Variants in RPL28 observed in about 807,000 individuals in gnomAD.
RPL28 encodes ribosomal protein L28, also known as large ribosomal subunit protein eL28.
A neutral mutation model predicts 12.5 loss-of-function variants in RPL28; 4 were observed. The observed-to-expected ratio is 0.32, with a 90% CI of 0.16 to 0.73. The LOEUF (loss-of-function observed/expected upper bound fraction) is 0.73. RPL28 is among the 30% of genes least tolerant of loss of function. The probability of loss-of-function intolerance (pLI) is 0.66; values close to 1 mark genes in which losing one functional copy is unlikely to be tolerated. For missense variants in RPL28, 214 were observed against 197.7 expected (o/e 1.08, Z -0.49); for synonymous variants, 91 against 72.5 (o/e 1.26, Z -1.30).
At chr19:55,401,163 G>A (rs1600316988) in intron 4 of RPL28, 1 of 516,790 alleles carries the variant, frequency 1.9e-6, no homozygotes, top group Non-Finnish European at 3.4e-6. Context: ...TGAGCTAGAT[G>A]GACCCACTGC....
At chr19:55,397,637 C>T (rs979240522) in intron 4 of RPL28, among the ~76,000 whole-genome samples, 4 of 152,070 alleles carry the variant, frequency 2.6e-5, no homozygotes, top group African/African-American at 9.7e-5. Flanking sequence ...GCCTCGACCT[C>T]CCAAAGTGCT....
Position 55,390,037 on chromosome 19 carries a change from T to G in RPL28, c.*1705T>G. 2.0e-6 allele frequency: 2 copies of G among 985,518 alleles called. No individual in the cohort carries two copies. The highest frequency in any genetic ancestry group is 3.5e-5 in the African/African-American group (2 of 57,360). 61.0% of individuals were successfully genotyped at this position (985,518 alleles called of 1,614,324 possible). ...CCTCTCCCCTGGCACCTGCTTCAGT[T>G]GTCCTCCACAGCACTGATTTGCAGC... is the stretch of plus-strand genomic sequence containing the variant. On this transcript the variant is annotated 3_prime_UTR_variant, in exon 5 of 5. Transcript: ENST00000344063.
intron 4 of RPL28, chr19:55,401,799 A>G (rs944828440): frequency 3.1e-6 from 5 of 1,609,538 alleles, no homozygotes; most frequent in African/African-American, 2.7e-5. Flanking sequence ...TGGGTCGGGC[A>G]ACCTACAGGG....
intron 3 of RPL28, chr19:55,387,153 C>T (rs1346866359): frequency 7.8e-7 from 1 of 1,286,836 alleles, no homozygotes; most frequent in African/African-American, 1.5e-5. Flanking sequence ...TCTTGGGGAC[C>T]CCACTCCATA....
intron 3 of RPL28, chr19:55,387,544 A>T: frequency 7.0e-7 from 1 of 1,430,442 alleles, no homozygotes; most frequent in Non-Finnish European, 9.1e-7. Context: ...CCTCTCAGCC[A>T]AGCTGATGTT....
At position 55,390,995 on chromosome 19, in the gene RPL28, C is replaced by G. The variant is rs752885828; in HGVS notation, c.*2663C>G. On this transcript the variant is annotated 3_prime_UTR_variant, in exon 5 of 5. Coordinates refer to ENST00000344063, the MANE Select transcript of RPL28 (RefSeq NM_000991.5). The stretch of plus-strand genomic sequence containing the variant: ...AACCAAAAACATGATATTAAGAAAA[C>G]AGGCAGGCTCACCATAGTAAAAATG... 1.6e-5 allele frequency: 16 copies of G among 977,464 alleles called. No individual in the cohort carries two copies. The African/African-American group carries it at 2.6e-4, about 16-fold the overall frequency. The allele number at this position is 977,464 out of a possible 1,614,324, so 60.5% of individuals were successfully genotyped here. A position where few individuals can be genotyped will look rare whatever the true frequency, so the allele number is the denominator to read the frequency against.
intron 4 of RPL28, among the ~76,000 whole-genome samples, chr19:55,397,536 C>T (rs562666108): frequency 5.9e-5 from 9 of 152,154 alleles, no homozygotes; most frequent in South Asian, 4.2e-4. Flanking sequence ...CCCGCCACCA[C>T]GCCCGGCTAA....
chr19:55,402,569 A>G (rs2090068119), intron 4 of RPL28, among the ~76,000 whole-genome samples: 1 of 152,176 alleles, frequency 6.6e-6, no homozygotes, highest in Non-Finnish European at 1.5e-5. Flanking sequence ...ACTATGACAC[A>G]TACACAGTAC....
Position 55,389,634 on chromosome 19 carries a change from C to T in RPL28, c.*1302C>T, listed in dbSNP as rs2089970941. On this transcript the variant is annotated 3_prime_UTR_variant, in exon 5 of 5. Transcript: ENST00000344063. ...CGTTTTGAGGCAGACCACTGCCCTT[C>T]CGACCTCAGTCCTGTCTGCTCCAGT... 1.0e-6 allele frequency: 1 copy of T among 985,420 alleles called. No individual in the cohort carries two copies. Among genetic ancestry groups the T allele is most frequent in the African/African-American group, 1.7e-5 (1 of 57,236 alleles). The allele number at this position is 985,420 out of a possible 1,614,324, so 61.0% of individuals were successfully genotyped here.
chr19:55,388,389 C>A lies in RPL28; in HGVS notation c.*57C>A. 1 of 1,429,568 alleles carries A rather than the reference C, an allele frequency of 7.0e-7. No individual in the cohort carries two copies. Among genetic ancestry groups the A allele is most frequent in the Admixed American group, 3.1e-5 (1 of 32,386 alleles). The allele number at this position is 1,429,568 out of a possible 1,614,324, so 88.6% of individuals were successfully genotyped here. A position where few individuals can be genotyped will look rare whatever the true frequency, so the allele number is the denominator to read the frequency against. ...GGCTTTCTCACCTGCCTCGACTGGG[C>A]CTCCCTTTTTGAAACGCTCTGGGGA... On this transcript the variant is annotated 3_prime_UTR_variant, in exon 5 of 5. Coordinates refer to ENST00000344063, the MANE Select transcript of RPL28 (RefSeq NM_000991.5).
chr19:55,389,918 C>G lies in RPL28; in HGVS notation c.*1586C>G, dbSNP rs1326748474. The G allele has an allele frequency of 2.0e-6, 2 of 985,448 alleles. No homozygotes were observed. The highest frequency in any genetic ancestry group is 2.4e-6 in the Non-Finnish European group (2 of 830,022). The allele number at this position is 985,448 out of a possible 1,614,324, so 61.0% of individuals were successfully genotyped here. A position where few individuals can be genotyped will look rare whatever the true frequency, so the allele number is the denominator to read the frequency against. ...GAGCCCCCACTGTCCCAGTCCCACT[C>G]AGGCCCATCTCTGGCTGGCCTCACT... On this transcript the variant is annotated 3_prime_UTR_variant, in exon 5 of 5. Transcript: ENST00000344063.
rs2089972565 is a variant in RPL28, at chr19:55,389,793, G to A, written c.*1461G>A. 2 of 985,248 alleles carry A rather than the reference G, an allele frequency of 2.0e-6. No homozygotes were observed. Among genetic ancestry groups the A allele is most frequent in the South Asian group, 4.7e-5 (1 of 21,288 alleles). 61.0% of individuals were successfully genotyped at this position (985,248 alleles called of 1,614,324 possible). A position where few individuals can be genotyped will look rare whatever the true frequency, so the allele number is the denominator to read the frequency against. On this transcript the variant is annotated 3_prime_UTR_variant, in exon 5 of 5. Coordinates refer to ENST00000344063, the MANE Select transcript of RPL28 (RefSeq NM_000991.5). ...GAGGTGTTGCCTTAAAACTGAGTTG[G>A]GTGACTTGGTACCTGCTCAGGACCC...
rs2089988143 is a variant in RPL28 at position 55,391,329 on chromosome 19, T to A, written c.*2997T>A. ...TCGTTTAGTAGCACCGTGCCTCAGT[T>A]TCCCATATGTAAAAGGCCATTTTGA... On this transcript the variant is annotated 3_prime_UTR_variant, in exon 5 of 5. Coordinates refer to ENST00000344063, the MANE Select transcript of RPL28 (RefSeq NM_000991.5). The A allele has an allele frequency of 1.1e-6, 1 of 926,932 alleles. No individual in the cohort carries two copies. The highest frequency in any genetic ancestry group is 5.1e-5 in the South Asian group (1 of 19,562). 57.4% of individuals were successfully genotyped at this position (926,932 alleles called of 1,614,324 possible). A position where few individuals can be genotyped will look rare whatever the true frequency, so the allele number is the denominator to read the frequency against.
At chr19:55,394,603 ACT>A (rs1350620857), downstream of RPL28, among the ~76,000 whole-genome samples, 2 of 137,828 alleles carry the variant, frequency 1.5e-5, no homozygotes, top group Non-Finnish European at 3.1e-5. Context: ...AAAGAATCTC[ACT>A]CTGTTTTCCA....
At position 55,388,319 on chromosome 19, in the gene RPL28, C is replaced by T; in HGVS notation, c.401C>T (p.Thr134Ile). The stretch of plus-strand genomic sequence containing the variant: ...GTGAAGAGGAAGCGGACCCGCCCCA[C>T]CAAGAGCTCCTGAGCCCCCTGCCCC... ...VMVKRKRTRP[T>I]KSS Residue 134 changes from threonine (T) to isoleucine (I), a missense_variant, in exon 5 of 5, where the codon ACC (threonine) becomes ATC (isoleucine). Coordinates refer to ENST00000344063, the MANE Select transcript of RPL28 (RefSeq NM_000991.5). 6.4e-7 allele frequency: 1 copy of T among 1,572,824 alleles called. No homozygotes were observed.
In RPL28 at chr19:55,388,333, G is replaced by GCC. The variant is rs1391908431; in HGVS notation, c.*5_*6dup. ...GACCCGCCCCACCAAGAGCTCCTGA[G>GCC]CCCCCTGCCCCCAGAGCAATAAAGT... On this transcript the variant is annotated 3_prime_UTR_variant, in exon 5 of 5. Coordinates refer to ENST00000344063, the MANE Select transcript of RPL28 (RefSeq NM_000991.5). The GCC allele has an allele frequency of 1.3e-6, 2 of 1,529,506 alleles. No homozygotes were observed. The highest frequency in any genetic ancestry group is 4.8e-5 in the East Asian group (2 of 42,042). The allele number at this position is 1,529,506 out of a possible 1,614,324, so 94.7% of individuals were successfully genotyped here. A position where few individuals can be genotyped will look rare whatever the true frequency, so the allele number is the denominator to read the frequency against.
chr19:55,392,556 G>A (rs1015941491), downstream of RPL28, among the ~76,000 whole-genome samples: 15 of 144,464 alleles, frequency 1.0e-4, no homozygotes, highest in East Asian at 2.1e-4. Flanking sequence ...TTTTTGAGGC[G>A]GAGTCACGCT....
rs565524856 is a variant in RPL28 at position 55,398,932 on chromosome 19, C to T, written c.325-4011C>T. On this transcript the variant is annotated intron_variant, in intron 4 of 4. Coordinates refer to the RPL28 transcript ENST00000560055. ...GGGCAGGCTGCTCTTGAACTCCCAACGTGAAGTGGTCCACCAGCCTTGGCC... is the reference window on the plus strand; with the variant it reads ...GGGCAGGCTGCTCTTGAACTCCCAATGTGAAGTGGTCCACCAGCCTTGGCC... 4.6e-5 allele frequency among the ~76,000 whole-genome samples: 7 copies of T among 152,160 alleles called. No individual in the cohort carries two copies. In the East Asian group the frequency reaches 5.8e-4, roughly 13 times the overall value.
downstream of RPL28, among the ~76,000 whole-genome samples, chr19:55,392,422 A>G (rs372534096): frequency 5.2e-4 from 79 of 152,282 alleles, no homozygotes; most frequent in Middle Eastern, 3.4e-3. Flanking sequence ...TTGTAGAGAC[A>G]GGGTCTCACT....
Sources: gnomAD v4.1 joint callset for allele counts (sites outside exome capture counted in the v4.1 genomes callset) on GRCh38, gnomAD v4.1.1 for gene constraint, MANE v1.5 for transcripts, NCBI Gene and HGNC (gene_info 2026-07-23, HGNC 2026-07-21) for gene names.